Variants in ASXL3 observed in about 807,000 individuals in gnomAD.
The protein encoded by ASXL3 is putative Polycomb group protein ASXL3.
Under a neutral mutation model 170.6 loss-of-function variants are expected in ASXL3, and 34 were observed. That is an observed-to-expected ratio of 0.20 (90% CI 0.15 to 0.27). The LOEUF (loss-of-function observed/expected upper bound fraction) is 0.27. Among genes scored for constraint, ASXL3 ranks in the 10% least tolerant of loss-of-function variants. ASXL3 has a pLI of 1.00. For missense variants in ASXL3, 2,592 were observed against 2,695.3 expected, an observed-to-expected ratio of 0.96 and a Z score of 0.85; for synonymous variants, 1,002 against 989.1, an observed-to-expected ratio of 1.01 and a Z score of -0.24.
rs1403005043 is a variant in ASXL3 at position 33,702,202 on chromosome 18, C to T, written c.879+18634C>T. On this transcript the variant is annotated intron_variant, in intron 8 of 11. Transcript: ENST00000269197. ...AAACCTTTTCTGTTAAATCCAACAT[C>T]AAGCATTTCATAGAAGATTTTCTTG... 2.0e-5 allele frequency among the ~76,000 whole-genome samples: 3 copies of T among 152,314 alleles called. No homozygotes were observed. The East Asian group carries it at 5.8e-4, about 29-fold the overall frequency.
Position 33,618,325 on chromosome 18 carries a change from A to G in ASXL3, c.137+10649A>G, listed in dbSNP as rs566372154. Among the ~76,000 whole-genome samples, 5 of 152,142 alleles carry G rather than the reference A, an allele frequency of 3.3e-5. No individual in the cohort carries two copies. The South Asian group carries it at 1.0e-3, about 32-fold the overall frequency. On this transcript the variant is annotated intron_variant, in intron 2 of 11. Transcript: ENST00000269197. The stretch of plus-strand genomic sequence containing the variant: ...AAAAAGTTAAGGCCTGTGCTGGTGC[A>G]GTGCAAGATGTCTATATGATATCTG...
intron 11 of ASXL3, 24 bp from the exon 12 acceptor site, chr18:33,742,863 AT>A (rs201913084): frequency 3.4e-5 from 52 of 1,550,416 alleles, no homozygotes; most frequent in Admixed American, 6.0e-5. Flanking sequence ...AGCACATTAT[AT>A]TTTTTTTTCT....
chr18:33,643,111 T>C (rs1032192715), intron 2 of ASXL3, among the ~76,000 whole-genome samples: 8 of 151,938 alleles, frequency 5.3e-5, no homozygotes, highest in African/African-American at 1.9e-4. Context: ...GGAAAGTCTG[T>C]ATTTCTGACA....
chr18:33,740,524 A>AT, intron 11 of ASXL3, 81 bp downstream of exon 11: 1 of 1,324,360 alleles, frequency 7.6e-7, no homozygotes, highest in South Asian at 1.7e-5. Context: ...GAGTAATTAG[A>AT]TTTTCTTCCT....
chr18:33,670,289 G>A (rs557215508), intron 5 of ASXL3, among the ~76,000 whole-genome samples: 3 of 152,342 alleles, frequency 2.0e-5, no homozygotes, highest in East Asian at 3.9e-4. Flanking sequence ...ACGCACCTGC[G>A]AGAGAAGTGC....
chr18:33,722,070 T>C (rs888111015), intron 8 of ASXL3, among the ~76,000 whole-genome samples: 1 of 152,086 alleles, frequency 6.6e-6, no homozygotes, highest in Non-Finnish European at 1.5e-5. Context: ...GTGAACTTAA[T>C]CCATAAATGT....
At chr18:33,628,215 T>C (rs2145166246) in intron 2 of ASXL3, among the ~76,000 whole-genome samples, 1 of 152,202 alleles carries the variant, frequency 6.6e-6, no homozygotes, top group South Asian at 2.1e-4. Context: ...CTTGCCTAAC[T>C]TCACACAATG....
intron 1 of ASXL3, among the ~76,000 whole-genome samples, chr18:33,594,152 T>C (rs1034858370): frequency 1.1e-4 from 16 of 152,146 alleles, no homozygotes; most frequent in African/African-American, 3.9e-4. Flanking sequence ...GTTGACCGAA[T>C]ATAAGAGAAC....
intron 8 of ASXL3, among the ~76,000 whole-genome samples, chr18:33,689,090 T>G (rs2066646143): frequency 6.6e-6 from 1 of 151,570 alleles, no homozygotes; most frequent in African/African-American, 2.4e-5. Flanking sequence ...GCCTCCCGGG[T>G]TCAAGCGATT....
intron 10 of ASXL3, among the ~76,000 whole-genome samples, chr18:33,735,658 C>T (rs754326651): frequency 1.2e-4 from 19 of 152,104 alleles, no homozygotes; most frequent in Non-Finnish European, 2.2e-4. Context: ...GATTAAAGAC[C>T]ACTTAGGAGC....
chr18:33,659,448 CAT>C (rs1455453358), intron 4 of ASXL3, among the ~76,000 whole-genome samples: 2 of 151,998 alleles, frequency 1.3e-5, no homozygotes, highest in African/African-American at 4.8e-5. Flanking sequence ...AGTAATAAAA[CAT>C]ATATGCTAAT....
At chr18:33,623,523 G>C (rs965029307) in intron 2 of ASXL3, among the ~76,000 whole-genome samples, 1 of 152,030 alleles carries the variant, frequency 6.6e-6, no homozygotes, top group African/African-American at 2.4e-5. Context: ...AAAATAATTT[G>C]CAAAAACTTG....
At chr18:33,595,464 A>G (rs762951941) in intron 1 of ASXL3, among the ~76,000 whole-genome samples, 1 of 152,196 alleles carries the variant, frequency 6.6e-6, no homozygotes, top group African/African-American at 2.4e-5. Context: ...GGAATCAACT[A>G]TAGGCTCAAT....
chr18:33,721,369 G>T (rs939897122), intron 8 of ASXL3, among the ~76,000 whole-genome samples: 1 of 151,754 alleles, frequency 6.6e-6, no homozygotes, highest in Non-Finnish European at 1.5e-5. Context: ...AAAGGAAAAA[G>T]AAAAAATTAT....
In ASXL3 at chr18:33,748,771, G is replaced by C. The variant is rs150782600; in HGVS notation, c.*2176G>C. 11 of 152,300 alleles carry C rather than the reference G, an allele frequency of 7.2e-5. No individual in the cohort carries two copies. Among genetic ancestry groups the C allele is most frequent in the Non-Finnish European group, 1.5e-4 (10 of 68,038 alleles). The allele number at this position is 152,300 out of a possible 1,614,324, so 9.4% of individuals were successfully genotyped here. On this transcript the variant is annotated 3_prime_UTR_variant, in exon 12 of 12. Transcript: ENST00000269197. ...TCCAAATTCATTCACTGCTATACCA[G>C]TGTCAGATACTGTCTACACCAGCAA... is the stretch of plus-strand genomic sequence containing the variant.
At chr18:33,660,375 G>T (rs1241509723) in intron 4 of ASXL3, among the ~76,000 whole-genome samples, 1 of 152,076 alleles carries the variant, frequency 6.6e-6, no homozygotes, top group East Asian at 1.9e-4. Flanking sequence ...CTCACGGGCC[G>T]CATAGTTATT....
chr18:33,625,606 A>T (rs1599411997), intron 2 of ASXL3, among the ~76,000 whole-genome samples: 1 of 152,122 alleles, frequency 6.6e-6, no homozygotes, highest in Non-Finnish European at 1.5e-5. Flanking sequence ...AAACATAATG[A>T]ATGTTATGTT....
At chr18:33,717,018 T>C (rs1202417464) in intron 8 of ASXL3, among the ~76,000 whole-genome samples, 6 of 152,140 alleles carry the variant, frequency 3.9e-5, no homozygotes, top group Non-Finnish European at 5.9e-5. Flanking sequence ...TCTTCTGGTA[T>C]CCCAGATTCT....
Position 33,644,974 on chromosome 18 carries a change from C to G in ASXL3, c.218C>G (p.Pro73Arg). The change falls in exon 3 of 12, where the codon CCT (proline) becomes CGT (arginine). Residue 73 changes from proline (P) to arginine (R), a missense_variant. Physicochemically the swap from Pro to Arg is moderately radical, Grantham distance 103. Around this residue, in one of 4 missense-constraint regions of ASXL3, gnomAD observed 251 missense variants for 281.9 expected, o/e 0.89. Transcript: ENST00000269197. ...GGGGATGGAACATTCTTCAAAATCC[C>G]TGGAAAGTCAGGCCTCTATGCTCTC... ...RIGDGTFFKI[P>R]GKSGLYALKK... 1.3e-6 allele frequency: 2 copies of G among 1,571,784 alleles called. No homozygotes were observed. The highest frequency in any genetic ancestry group is 2.3e-5 in the South Asian group (2 of 85,552).
Sources: gnomAD v4.1 joint callset for allele counts (sites outside exome capture counted in the v4.1 genomes callset) on GRCh38, gnomAD v4.1.1 for gene constraint, gnomAD v4.1.1 regional missense constraint, MANE v1.5 for transcripts, NCBI Gene and HGNC (gene_info 2026-07-23, HGNC 2026-07-21) for gene names.